The following KATNAL1 variants were observed in gnomAD, a reference collection of about 807,000 sequenced individuals.
KATNAL1 encodes the protein katanin p60 ATPase-containing subunit A-like 1.
KATNAL1 carries 32 observed loss-of-function variants against 55.2 expected under a neutral mutation model. That is an observed-to-expected ratio of 0.58 (90% CI 0.44 to 0.78). KATNAL1 has a LOEUF of 0.78. Ranked by LOEUF, KATNAL1 falls within the 30% of genes least tolerant of loss-of-function variation. The pLI is 0.00. For synonymous variants in KATNAL1, 193 were observed against 193.6 expected (o/e 1.00, Z 0.02); for missense variants, 466 against 600.9 (o/e 0.78, Z 2.35).
chr13:30,290,087 A>G (rs1221388256), intron 1 of KATNAL1, among the ~76,000 whole-genome samples: 9 of 152,214 alleles, frequency 5.9e-5, no homozygotes, highest in Admixed American at 5.9e-4. Flanking sequence ...GGCAAGCTGG[A>G]TTTGGCCCCT....
At chr13:30,236,407 G>A (rs1313766649) in intron 6 of KATNAL1, among the ~76,000 whole-genome samples, 1 of 152,124 alleles carries the variant, frequency 6.6e-6, no homozygotes, top group Non-Finnish European at 1.5e-5. Flanking sequence ...TTCAAGCCTG[G>A]AATCTGGGAG....
At chr13:30,229,564 A>T (rs1307546806) in intron 8 of KATNAL1, among the ~76,000 whole-genome samples, 4 of 152,134 alleles carry the variant, frequency 2.6e-5, no homozygotes, top group Non-Finnish European at 5.9e-5. Context: ...TACAAAAAAT[A>T]AAACTTAGCC....
intron 9 of KATNAL1, among the ~76,000 whole-genome samples, chr13:30,218,128 A>G (rs1465316238): frequency 6.6e-6 from 1 of 151,974 alleles, no homozygotes; most frequent in Admixed American, 6.6e-5. Context: ...AAAGGTAAGT[A>G]GAAAAATACA....
chr13:30,218,227 T>TATATATATATATATATATAA (rs1555258842), intron 9 of KATNAL1, among the ~76,000 whole-genome samples: 31 of 145,292 alleles, frequency 2.1e-4, no homozygotes, highest in African/African-American at 5.6e-4. Context: ...TATATATATA[T>TATATATATATATATATATAA]AAAGGACCTG....
At chr13:30,245,756 CAAT>C (rs1471849179) in intron 4 of KATNAL1, among the ~76,000 whole-genome samples, 11 of 151,584 alleles carry the variant, frequency 7.3e-5, no homozygotes, top group Admixed American at 4.6e-4. Flanking sequence ...TCCTATACAA[CAAT>C]AATAGAGAGC....
At chr13:30,295,506 G>A (rs189938231) in intron 1 of KATNAL1, among the ~76,000 whole-genome samples, 4 of 152,208 alleles carry the variant, frequency 2.6e-5, no homozygotes, top group East Asian at 3.9e-4. Flanking sequence ...GCTCACACCC[G>A]TAATCTCAAC....
At chr13:30,303,122 A>G (rs1177520652) in intron 1 of KATNAL1, among the ~76,000 whole-genome samples, 15 of 152,262 alleles carry the variant, frequency 9.9e-5, no homozygotes, top group African/African-American at 3.6e-4. Context: ...ACTAATGGAC[A>G]GAACAAAGTT....
At chr13:30,243,673 A>C (rs1390992772) in intron 4 of KATNAL1, among the ~76,000 whole-genome samples, 2 of 151,796 alleles carry the variant, frequency 1.3e-5, no homozygotes, top group African/African-American at 4.8e-5. Context: ...TCAGATCAGC[A>C]AAAGAAAGAA....
rs776713736 is a variant in KATNAL1, at chr13:30,227,398, A to T, written c.1147+14T>A. ...AAAAGTAACAGAAAGCTCAAAATAG[A>T]GAAGACATCATACCTGTTGGGAGAG... On this transcript the variant is annotated intron_variant, in intron 9 of 10. Transcript: ENST00000380615. The T allele has an allele frequency of 2.5e-6, 4 of 1,603,434 alleles. 1 individual carries two copies. The South Asian group carries it at 4.5e-5, about 18-fold the overall frequency.
At chr13:30,273,961 C>T (rs1172005335) in intron 3 of KATNAL1, among the ~76,000 whole-genome samples, 1 of 152,116 alleles carries the variant, frequency 6.6e-6, no homozygotes, top group Non-Finnish European at 1.5e-5. Flanking sequence ...GCTCTCACAC[C>T]CATCTACAAA....
chr13:30,281,930 G>A (rs1354508074), intron 2 of KATNAL1: 2 of 151,884 alleles, frequency 1.3e-5, no homozygotes, highest in African/African-American at 4.8e-5. Context: ...TGAAAAACAC[G>A]AGCTTAAATA....
intron 4 of KATNAL1, among the ~76,000 whole-genome samples, chr13:30,249,972 GAAAT>G (rs2137448005): frequency 6.6e-6 from 1 of 152,222 alleles, no homozygotes; most frequent in Non-Finnish European, 1.5e-5. Flanking sequence ...TTTAAAAAAG[GAAAT>G]AAATACGCAA....
chr13:30,204,985 TA>T lies in KATNAL1; in HGVS notation c.*3554del, dbSNP rs1227042134. On this transcript the variant is annotated 3_prime_UTR_variant, in exon 11 of 11. Transcript: ENST00000380615. ...TTATTTTACTAATATTAATTTCCTTTAAAAAAAGAAATTATGGGGGCAAAAG... is the reference window on the plus strand; with the variant it reads ...TTATTTTACTAATATTAATTTCCTTTAAAAAAGAAATTATGGGGGCAAAAG... 1 of 152,064 alleles carries T rather than the reference TA, an allele frequency of 6.6e-6. No individual in the cohort carries two copies. The highest frequency in any genetic ancestry group is 1.9e-4 in the East Asian group (1 of 5,196). 9.4% of individuals were successfully genotyped at this position (152,064 alleles called of 1,614,324 possible).
chr13:30,268,916 A>G (rs1345586352), intron 3 of KATNAL1, among the ~76,000 whole-genome samples: 1 of 152,232 alleles, frequency 6.6e-6, no homozygotes, highest in East Asian at 1.9e-4. Context: ...TGCTGGGGGT[A>G]AAGCAGCAAA....
chr13:30,297,665 C>A (rs1001564465), intron 1 of KATNAL1, among the ~76,000 whole-genome samples: 4 of 152,176 alleles, frequency 2.6e-5, no homozygotes, highest in African/African-American at 9.7e-5. Context: ...TACATATATA[C>A]CATGGAATAC....
chr13:30,226,787 A>AT, intron 9 of KATNAL1, among the ~76,000 whole-genome samples: 1 of 152,208 alleles, frequency 6.6e-6, no homozygotes, highest in Non-Finnish European at 1.5e-5. Context: ...ATGAAACTAT[A>AT]TTTTCCAGGC....
intron 1 of KATNAL1, 43 bp from the exon 2 acceptor site, chr13:30,283,834 G>A: frequency 5.4e-6 from 7 of 1,296,632 alleles, no homozygotes; most frequent in Non-Finnish European, 6.4e-6. Context: ...TTTCAGCACT[G>A]ACTTTAAAAC....
At chr13:30,286,518 G>C (rs1033090981) in intron 1 of KATNAL1, among the ~76,000 whole-genome samples, 1 of 152,264 alleles carries the variant, frequency 6.6e-6, no homozygotes, top group Non-Finnish European at 1.5e-5. Context: ...CCTCCACCTA[G>C]ATTTCAGAGG....
rs980590065 is a variant in KATNAL1 at position 30,203,344 on chromosome 13, T to G, written c.*5196A>C. 6.6e-6 allele frequency: 1 copy of G among 152,250 alleles called. No homozygotes were observed. The highest frequency in any genetic ancestry group is 2.4e-5 in the African/African-American group (1 of 41,464). 9.4% of individuals were successfully genotyped at this position (152,250 alleles called of 1,614,324 possible). A position where few individuals can be genotyped will look rare whatever the true frequency, so the allele number is the denominator to read the frequency against. On this transcript the variant is annotated 3_prime_UTR_variant, in exon 11 of 11. Coordinates refer to ENST00000380615, the MANE Select transcript of KATNAL1 (RefSeq NM_032116.5). The stretch of plus-strand genomic sequence containing the variant: ...AAACAAATCTGCATAGATGATGAAC[T>G]GAATTTAATTCAATTCATTCCTGCC...
Sources: gnomAD v4.1 joint callset for allele counts (sites outside exome capture counted in the v4.1 genomes callset) on GRCh38, gnomAD v4.1.1 for gene constraint, MANE v1.5 for transcripts, NCBI Gene and HGNC (gene_info 2026-07-23, HGNC 2026-07-21) for gene names.